The following ATP11C variants were observed in gnomAD, a reference collection of about 807,000 sequenced individuals.
The protein encoded by ATP11C is ATPase phospholipid transporting 11C (ATP11C blood group), also known as phospholipid-transporting ATPase IG.
In ATP11C, 36 loss-of-function variants were observed where a neutral mutation model predicts 97.4. The ratio of observed to expected loss-of-function variants is 0.37; its 90% confidence interval spans 0.28 to 0.49. The LOEUF is 0.49. Among genes scored for constraint, ATP11C ranks in the 20% least tolerant of loss-of-function variants. The pLI, the probability that ATP11C is intolerant of heterozygous loss-of-function variation, is 0.98. For synonymous variants in ATP11C, 275 were observed against 290.9 expected (o/e 0.95, Z 0.56); for missense variants, 730 against 824.6 (o/e 0.89, Z 1.40).
At chrX:139,835,070 T>G (rs192068688) in intron 1 of ATP11C, among the ~76,000 whole-genome samples, 15 of 111,891 alleles carry the variant, frequency 1.3e-4, no homozygotes, top group African/African-American at 4.9e-4. Flanking sequence ...TATGCTAGAG[T>G]CCACTGGTAG....
chrX:139,875,760 A>G (rs1441868912), intron 1 of ATP11C, among the ~76,000 whole-genome samples: 1 of 111,943 alleles, frequency 8.9e-6, no homozygotes, highest in African/African-American at 3.2e-5. Context: ...TACTATACAG[A>G]TATTATCTCA....
chrX:139,834,247 T>C (rs780860841), intron 1 of ATP11C, among the ~76,000 whole-genome samples: 2 of 111,795 alleles, frequency 1.8e-5, no homozygotes, highest in Admixed American at 9.5e-5. Context: ...AGTGCCATGT[T>C]TGATGACAAC....
At chrX:139,862,229 C>T (rs1253763475) in intron 1 of ATP11C, among the ~76,000 whole-genome samples, 1 of 98,093 alleles carries the variant, frequency 1.0e-5, no homozygotes, top group Non-Finnish European at 2.1e-5. Context: ...CCCCATACCT[C>T]GCCCTACACA....
At position 139,798,713 on chromosome X, in the gene ATP11C, T is replaced by C. The variant is rs1414039648; in HGVS notation, c.741A>G (p.Lys247=). Residue 247 remains lysine (K), a synonymous_variant, in exon 9 of 30, where the codon AAA becomes AAG. Transcript: ENST00000682941. ...TCTCGGTATTTTTTAGCGTAGCTCC[T>C]TTCAGCAAGAGATTTTCAGGTCCCA... ...RSLGPENLLL[K]GATLKNTEKI... 1 of 1,206,123 alleles carries C rather than the reference T, an allele frequency of 8.3e-7. No homozygotes were observed. The highest frequency in any genetic ancestry group is 1.1e-6 in the Non-Finnish European group (1 of 892,588).
At chrX:139,896,089 C>T (rs939046660) in intron 1 of ATP11C, among the ~76,000 whole-genome samples, 2 of 111,338 alleles carry the variant, frequency 1.8e-5, no homozygotes, top group African/African-American at 6.5e-5. Context: ...AACCATACTC[C>T]TCTCCAGAAT....
intron 1 of ATP11C, among the ~76,000 whole-genome samples, chrX:139,866,343 CAAAAAA>C (rs57250412): frequency 0.01 from 282 of 27,537 alleles, 4 homozygotes; most frequent in Middle Eastern, 0.024. Context: ...GACTCTGTCT[CAAAAAA>C]AAAAAAAAAA....
chrX:139,783,486 A>G (rs1406596329), intron 16 of ATP11C, among the ~76,000 whole-genome samples: 1 of 112,172 alleles, frequency 8.9e-6, no homozygotes, highest in Non-Finnish European at 1.9e-5. Context: ...TTAATAAGCC[A>G]GAGTTTACAA....
chrX:139,838,809 G>C (rs182086806), intron 1 of ATP11C, among the ~76,000 whole-genome samples: 59 of 111,353 alleles, frequency 5.3e-4, no homozygotes, highest in African/African-American at 1.8e-3. Context: ...TTATCCAGGC[G>C]TGGTGGCAGA....
chrX:139,740,705 CTA>C (rs775977268), intron 27 of ATP11C, among the ~76,000 whole-genome samples: 2 of 111,121 alleles, frequency 1.8e-5, no homozygotes, highest in East Asian at 5.7e-4. Flanking sequence ...GTGCTGAAAA[CTA>C]TAGTTTCACT....
rs111879516 is a variant in ATP11C, at chrX:139,857,843, T to C, written c.28-31020A>G. On this transcript the variant is annotated intron_variant, in intron 1 of 29. Transcript: ENST00000682941. The stretch of plus-strand genomic sequence containing the variant: ...TAAGGTAGAATTAATATACTTCATA[T>C]GTGAGAAGGACATGGGTTTCAGGGC... Among the ~76,000 whole-genome samples the C allele has an allele frequency of 4.7e-3, 519 of 111,135 alleles. 4 individuals carry two copies. The highest frequency in any genetic ancestry group is 0.015 in the African/African-American group (448 of 30,569).
intron 29 of ATP11C, among the ~76,000 whole-genome samples, chrX:139,730,634 C>T (rs2070914979): frequency 9.0e-6 from 1 of 110,924 alleles, no homozygotes; most frequent in African/African-American, 3.3e-5. Context: ...AAGGTGGACT[C>T]GCAATTATTA....
chrX:139,851,072 C>A (rs2083982206), intron 1 of ATP11C, among the ~76,000 whole-genome samples: 1 of 111,944 alleles, frequency 8.9e-6, no homozygotes, highest in East Asian at 2.8e-4. Context: ...ATCACCAAGA[C>A]AATGGAGGAA....
At chrX:139,925,538 C>T (rs2085338859) in intron 1 of ATP11C, among the ~76,000 whole-genome samples, 1 of 109,349 alleles carries the variant, frequency 9.1e-6, no homozygotes, top group Non-Finnish European at 1.9e-5. Flanking sequence ...CTGACTCAGA[C>T]TGTGTTACCA....
At chrX:139,802,736 A>T (rs2082951860) in intron 6 of ATP11C, among the ~76,000 whole-genome samples, 1 of 112,006 alleles carries the variant, frequency 8.9e-6, no homozygotes, top group Non-Finnish European at 1.9e-5. Context: ...AGATATACAC[A>T]TATGAATTGA....
intron 12 of ATP11C, among the ~76,000 whole-genome samples, chrX:139,790,032 G>C (rs1421648273): frequency 1.1e-5 from 1 of 93,119 alleles, no homozygotes; most frequent in African/African-American, 3.9e-5. Context: ...TCTGTCTCAG[G>C]AAAAAAAAAA....
rs772022885 is a variant in ATP11C at position 139,798,346 on chromosome X, C to G, written c.784G>C (p.Val262Leu). The G allele has an allele frequency of 1.7e-6, 2 of 1,186,398 alleles. No homozygotes were observed. Among genetic ancestry groups the G allele is most frequent in the Non-Finnish European group, 2.3e-6 (2 of 877,036 alleles). Residue 262 changes from valine to leucine, a missense_variant, in exon 10 of 30, where the codon GTT becomes CTT. Val to Leu is a conservative substitution (Grantham distance 32). Transcript: ENST00000682941. ...ATTTTGGTTTCCATTCCAGTGTAAA[C>G]AGCAACTCCTAAGAAATTACAGAAT... ...KNTEKIYGVA[V>L]YTGMETKMAL...
intron 1 of ATP11C, among the ~76,000 whole-genome samples, chrX:139,916,898 G>A (rs888450139): frequency 9.0e-6 from 1 of 111,303 alleles, no homozygotes. Context: ...TCAAAACCAC[G>A]TGACACTGGC....
chrX:139,802,370 C>A (rs1476166107), intron 6 of ATP11C, 31 bp from the exon 7 acceptor site: 4 of 1,010,959 alleles, frequency 4.0e-6, no homozygotes, highest in Admixed American at 4.7e-5. Context: ...AAGTGAAAAC[C>A]AAAAAAACTT....
At chrX:139,790,159 C>T (rs947152245) in intron 12 of ATP11C, among the ~76,000 whole-genome samples, 1 of 110,810 alleles carries the variant, frequency 9.0e-6, no homozygotes, top group Non-Finnish European at 1.9e-5. Context: ...CTCACTATAA[C>T]CTCAAACTTC....
Sources: allele counts gnomAD v4.1 joint callset (sites outside exome capture counted in the v4.1 genomes callset), GRCh38; gene constraint gnomAD v4.1.1; transcripts MANE v1.5; gene names NCBI Gene and HGNC (gene_info 2026-07-23, HGNC 2026-07-21).